CNBD1: variants seen among roughly 807,000 people sequenced by gnomAD.
CNBD1 encodes the protein cyclic nucleotide-binding domain-containing protein 1.
In CNBD1, 71 loss-of-function variants were observed where a neutral mutation model predicts 54.4. The observed-to-expected ratio is 1.30, with a 90% confidence interval of 1.08 to 1.59. The LOEUF is 1.59. Ranked by LOEUF, CNBD1 falls within the 40% of genes most tolerant of loss-of-function variation. The pLI is 0.00. For missense variants in CNBD1, 659 were observed against 518.0 expected, an observed-to-expected ratio of 1.27 and a Z score of -2.64; for synonymous variants, 182 against 170.7, an observed-to-expected ratio of 1.07 and a Z score of -0.51.
chr8:87,299,471 T>A (rs1422675975), intron 8 of CNBD1, among the ~76,000 whole-genome samples: 1 of 152,240 alleles, frequency 6.6e-6, no homozygotes, highest in East Asian at 1.9e-4. Context: ...CATTCCATCT[T>A]CTCCTCCTGT....
rs567652305 is a variant in CNBD1, at chr8:87,375,740, A to C, written c.1304-6880A>C. ...GTCTGCTTAAATGAAATCCCCAAAA[A>C]TTACTTATAGTTACCTTATATGAGA... is the stretch of plus-strand genomic sequence containing the variant. On this transcript the variant is annotated intron_variant, in intron 10 of 10. Transcript: ENST00000518476. Among the ~76,000 whole-genome samples, 5 of 152,050 alleles carry C rather than the reference A, an allele frequency of 3.3e-5. No homozygotes were observed. In the South Asian group the frequency reaches 1.0e-3, roughly 31 times the overall value.
At chr8:87,030,544 T>G (rs985981623) in intron 4 of CNBD1, among the ~76,000 whole-genome samples, 9 of 152,312 alleles carry the variant, frequency 5.9e-5, no homozygotes, top group Non-Finnish European at 1.2e-4. Context: ...CTTTTGCTCT[T>G]TTTTTAATCT....
chr8:87,199,939 A>T (rs1207304875), intron 4 of CNBD1, among the ~76,000 whole-genome samples: 1 of 152,178 alleles, frequency 6.6e-6, no homozygotes, highest in Non-Finnish European at 1.5e-5. Flanking sequence ...AGACACTCTG[A>T]TCATAGATTT....
intron 8 of CNBD1, among the ~76,000 whole-genome samples, chr8:87,324,679 T>C (rs1435416019): frequency 6.6e-6 from 1 of 151,892 alleles, no homozygotes; most frequent in Non-Finnish European, 1.5e-5. Context: ...TTGTGTCTAT[T>C]TGATTCTTCT....
At position 86,926,326 on chromosome 8, in the gene CNBD1, T is replaced by G. The variant is rs1220377318; in HGVS notation, c.273-13270T>G. On this transcript the variant is annotated intron_variant, in intron 3 of 10. Transcript: ENST00000518476. ...TAGTGTCCTCCAGAGGGGAACTCTT[T>G]AGACCAGTCAAAGGGCCAGTGGGTC... is the stretch of plus-strand genomic sequence containing the variant. Among the ~76,000 whole-genome samples the G allele has an allele frequency of 2.0e-5, 3 of 152,118 alleles. No homozygotes were observed. The South Asian group carries it at 6.2e-4, about 31-fold the overall frequency.
chr8:86,891,393 A>C (rs1268137981), intron 2 of CNBD1, among the ~76,000 whole-genome samples: 1 of 151,914 alleles, frequency 6.6e-6, no homozygotes, highest in Non-Finnish European at 1.5e-5. Context: ...AAATCAATTT[A>C]TTATAACTGT....
chr8:87,125,360 C>T (rs1376290765), intron 4 of CNBD1, among the ~76,000 whole-genome samples: 3 of 151,770 alleles, frequency 2.0e-5, no homozygotes, highest in African/African-American at 7.2e-5. Flanking sequence ...GGAGGCATCA[C>T]ACTTCCTGAT....
chr8:87,138,678 C>T (rs1812309912), intron 4 of CNBD1, among the ~76,000 whole-genome samples: 1 of 152,144 alleles, frequency 6.6e-6, no homozygotes, highest in Non-Finnish European at 1.5e-5. Flanking sequence ...GCCAGGTGCT[C>T]CTCTCGGGTG....
intron 6 of CNBD1, among the ~76,000 whole-genome samples, chr8:87,270,097 A>G: frequency 6.6e-6 from 1 of 152,046 alleles, no homozygotes; most frequent in East Asian, 1.9e-4. Flanking sequence ...GTACAAGACT[A>G]TCTCAACATA....
At chr8:86,986,189 A>C (rs1808603051) in intron 4 of CNBD1, among the ~76,000 whole-genome samples, 1 of 152,002 alleles carries the variant, frequency 6.6e-6, no homozygotes, top group African/African-American at 2.4e-5. Context: ...CAGCCTCCCA[A>C]AGTGCTGCGA....
chr8:87,240,002 TATA>T (rs1161123402), intron 6 of CNBD1, among the ~76,000 whole-genome samples: 4 of 151,756 alleles, frequency 2.6e-5, no homozygotes, highest in South Asian at 4.1e-4. Flanking sequence ...CTTTTAAAAT[TATA>T]ATAATAAATT....
At chr8:87,222,587 A>T (rs1438335410) in intron 5 of CNBD1, among the ~76,000 whole-genome samples, 1 of 152,096 alleles carries the variant, frequency 6.6e-6, no homozygotes, top group East Asian at 1.9e-4. Flanking sequence ...TGACAATATG[A>T]CCTTATTCAT....
At chr8:87,406,010 T>C (rs1807645942) in intron 2 of CNBD1, among the ~76,000 whole-genome samples, 3 of 152,168 alleles carry the variant, frequency 2.0e-5, no homozygotes, top group Admixed American at 6.6e-5. Flanking sequence ...TTATTCTCAA[T>C]ATATTTCTCT....
chr8:87,162,221 A>G (rs996205381), intron 4 of CNBD1, among the ~76,000 whole-genome samples: 8 of 152,144 alleles, frequency 5.3e-5, no homozygotes, highest in African/African-American at 1.9e-4. Context: ...AATTTGGATA[A>G]TAATGCTTAG....
intron 3 of CNBD1, among the ~76,000 whole-genome samples, chr8:86,937,380 T>A (rs982685065): frequency 3.9e-5 from 6 of 152,148 alleles, no homozygotes; most frequent in African/African-American, 1.4e-4. Context: ...TCATTCTGAC[T>A]CTGGCCCCTC....
intron 8 of CNBD1, among the ~76,000 whole-genome samples, chr8:87,316,046 T>C (rs1345819034): frequency 6.6e-6 from 1 of 152,030 alleles, no homozygotes; most frequent in African/African-American, 2.4e-5. Context: ...AATTGAAATA[T>C]TCATCTCAGA....
intron 8 of CNBD1, among the ~76,000 whole-genome samples, chr8:87,309,310 C>G (rs1007815933): frequency 1.3e-5 from 2 of 152,028 alleles, no homozygotes; most frequent in African/African-American, 4.8e-5. Flanking sequence ...TTCTTATTAC[C>G]AAATCATCTC....
intron 4 of CNBD1, among the ~76,000 whole-genome samples, chr8:86,958,398 CTTG>C (rs1159123196): frequency 3.3e-5 from 5 of 152,228 alleles, no homozygotes; most frequent in East Asian, 1.9e-4. Context: ...AACTTCCTGT[CTTG>C]TTGTCTGTTT....
At chr8:86,941,752 G>A (rs753543633) in intron 4 of CNBD1, among the ~76,000 whole-genome samples, 52 of 152,174 alleles carry the variant, frequency 3.4e-4, no homozygotes, top group Admixed American at 9.8e-4. Context: ...GTAGAAGGTG[G>A]TCCAAGCACA....
Sources: gnomAD v4.1 joint callset for allele counts (sites outside exome capture counted in the v4.1 genomes callset) on GRCh38, gnomAD v4.1.1 for gene constraint, MANE v1.5 for transcripts, NCBI Gene and HGNC (gene_info 2026-07-23, HGNC 2026-07-21) for gene names.